Variants in NDUFAF2 observed in about 807,000 individuals in gnomAD.
The protein encoded by NDUFAF2 is NADH dehydrogenase [ubiquinone] 1 alpha subcomplex assembly factor 2.
A neutral mutation model predicts 22.8 loss-of-function variants in NDUFAF2; 13 were observed. The observed-to-expected ratio is 0.57, with a 90% CI of 0.37 to 0.91. The LOEUF (loss-of-function observed/expected upper bound fraction) is 0.91, where lower values mean the gene tolerates loss of function less well. Among genes scored for constraint, NDUFAF2 ranks in the 40% least tolerant of loss-of-function variants. The pLI is 0.01. For synonymous variants in NDUFAF2, 53 were observed against 64.2 expected, an observed-to-expected ratio of 0.83 and a Z score of 0.84; for missense variants, 162 against 195.2, an observed-to-expected ratio of 0.83 and a Z score of 1.01.
chr5:61,096,481 C>T (rs1752642175), intron 2 of NDUFAF2, among the ~76,000 whole-genome samples: 1 of 151,608 alleles, frequency 6.6e-6, no homozygotes, highest in South Asian at 2.1e-4. Context: ...TGCCTGTAGT[C>T]CCAGCTACTC....
intron 3 of NDUFAF2, chr5:61,145,749 C>T (rs574439821): frequency 1.3e-5 from 2 of 152,332 alleles, no homozygotes; most frequent in Admixed American, 1.3e-4. Context: ...ATAACATATA[C>T]ATTTAAGGAA....
intron 1 of NDUFAF2, among the ~76,000 whole-genome samples, chr5:61,044,674 A>G (rs1751924330): frequency 6.6e-6 from 1 of 151,984 alleles, no homozygotes; most frequent in Admixed American, 6.6e-5. Context: ...TTTCTGTTTC[A>G]TTGCTCTTTG....
intron 1 of NDUFAF2, among the ~76,000 whole-genome samples, chr5:60,974,127 T>A (rs1033569525): frequency 3.5e-4 from 53 of 152,290 alleles, no homozygotes; most frequent in African/African-American, 1.2e-3. Context: ...AGACCCACTC[T>A]CAGTCCAGGT....
chr5:60,945,350 A>G lies in NDUFAF2; in HGVS notation c.95A>G (p.Tyr32Cys), dbSNP rs755836979. The change falls in exon 1 of 4, where the codon TAC (tyrosine) becomes TGC (cysteine). Residue 32 changes from tyrosine to cysteine, a missense_variant. Physicochemically the swap from Tyr to Cys is radical, Grantham distance 194. Transcript: ENST00000296597. Reference sequence around the variant, plus strand: ...GGCACGGACCAATTCGGGAACAAATACTACTACATCCCGCAGTACAAGAAC... The same window carrying G: ...GGCACGGACCAATTCGGGAACAAATGCTACTACATCCCGCAGTACAAGAAC... ...HVGTDQFGNKYYYIPQYKNWR... is the reference protein window; with the variant it reads ...HVGTDQFGNKCYYIPQYKNWR... The G allele has an allele frequency of 2.5e-6, 4 of 1,614,038 alleles. No individual in the cohort carries two copies. Among genetic ancestry groups the G allele is most frequent in the African/African-American group, 1.3e-5 (1 of 74,930 alleles).
chr5:61,085,742 A>T (rs1481775212), intron 2 of NDUFAF2, among the ~76,000 whole-genome samples: 1 of 152,218 alleles, frequency 6.6e-6, no homozygotes. Flanking sequence ...TTTAAATTAT[A>T]TTACTTCAAA....
At chr5:60,945,583 G>T (rs1750428918) in intron 1 of NDUFAF2, among the ~76,000 whole-genome samples, 1 of 152,230 alleles carries the variant, frequency 6.6e-6, no homozygotes, top group African/African-American at 2.4e-5. Context: ...TGGGCGCCTT[G>T]GCCCGGCCTC....
At chr5:61,075,683 C>T (rs935781158) in intron 2 of NDUFAF2, among the ~76,000 whole-genome samples, 7 of 151,906 alleles carry the variant, frequency 4.6e-5, no homozygotes, top group African/African-American at 1.2e-4. Context: ...CATAACTCTC[C>T]CATGGGACAT....
intron 1 of NDUFAF2, among the ~76,000 whole-genome samples, chr5:61,001,639 A>C (rs1381928789): frequency 6.6e-6 from 1 of 152,132 alleles, no homozygotes; most frequent in Non-Finnish European, 1.5e-5. Context: ...AAATCTTATT[A>C]CCTTGTGATG....
chr5:60,964,354 T>C (rs941107062), intron 1 of NDUFAF2, among the ~76,000 whole-genome samples: 2 of 152,160 alleles, frequency 1.3e-5, no homozygotes, highest in Non-Finnish European at 2.9e-5. Flanking sequence ...TATTGTGGAA[T>C]GGCTAACTCA....
chr5:60,973,492 G>C (rs1341013140), intron 1 of NDUFAF2, among the ~76,000 whole-genome samples: 2 of 152,092 alleles, frequency 1.3e-5, no homozygotes, highest in African/African-American at 4.8e-5. Flanking sequence ...AAGATTCAAG[G>C]CTACAAACAT....
chr5:61,140,024 A>C (rs532945323), intron 3 of NDUFAF2, among the ~76,000 whole-genome samples: 1 of 152,346 alleles, frequency 6.6e-6, no homozygotes, highest in Non-Finnish European at 1.5e-5. Context: ...GAATGTTAGC[A>C]CATCCTCATT....
intron 2 of NDUFAF2, among the ~76,000 whole-genome samples, chr5:61,082,144 A>G (rs1196208658): frequency 6.6e-6 from 1 of 152,230 alleles, no homozygotes. Context: ...AAAAATGTGC[A>G]TGAGTGTAAG....
At chr5:61,057,595 T>C (rs1752115323) in intron 1 of NDUFAF2, among the ~76,000 whole-genome samples, 1 of 152,124 alleles carries the variant, frequency 6.6e-6, no homozygotes, top group South Asian at 2.1e-4. Context: ...TAACTACATG[T>C]AAGGGGAGGG....
At chr5:61,057,613 G>A (rs983262087) in intron 1 of NDUFAF2, among the ~76,000 whole-genome samples, 2 of 152,086 alleles carry the variant, frequency 1.3e-5, no homozygotes, top group Non-Finnish European at 2.9e-5. Context: ...GGGGAGAAAA[G>A]GTGGGTGGTA....
At position 60,981,179 on chromosome 5, in the gene NDUFAF2, A is replaced by G. The variant is rs1016406320; in HGVS notation, c.127+35797A>G. On this transcript the variant is annotated intron_variant, in intron 1 of 3. Transcript: ENST00000296597. The stretch of plus-strand genomic sequence containing the variant: ...AGGTCAAGGATAAAGAAAGGATCCT[A>G]AAAGCAGCAAGAGAAAAGAAACAAA... Among the ~76,000 whole-genome samples, 9 of 152,226 alleles carry G rather than the reference A, an allele frequency of 5.9e-5. 1 individual carries two copies. The highest frequency in any genetic ancestry group is 2.6e-4 in the Admixed American group (4 of 15,286).
Position 61,152,874 on chromosome 5 carries a change from C to T in NDUFAF2, c.429C>T (p.Pro143=). Residue 143 remains proline (P), a synonymous_variant, in exon 4 of 4, where the codon CCC becomes CCT. Coordinates refer to ENST00000296597, the MANE Select transcript of NDUFAF2 (RefSeq NM_174889.5). ...ASAPYFGKEE[P]SVAPSSTGKT... is the part of the protein sequence containing the mutation. ...CTCCATACTTTGGAAAGGAAGAACC[C>T]TCAGTGGCTCCCAGCAGCACTGGTA... 2 of 1,611,322 alleles carry T rather than the reference C, an allele frequency of 1.2e-6. No homozygotes were observed. The highest frequency in any genetic ancestry group is 1.1e-5 in the South Asian group (1 of 90,636).
chr5:61,081,212 A>C (rs978853586), intron 2 of NDUFAF2, among the ~76,000 whole-genome samples: 58 of 152,098 alleles, frequency 3.8e-4, no homozygotes, highest in Admixed American at 1.8e-3. Flanking sequence ...GATTGTCTTG[A>C]TTACTGAGGC....
intron 1 of NDUFAF2, among the ~76,000 whole-genome samples, chr5:60,952,184 G>T (rs1014499196): frequency 6.6e-6 from 1 of 151,708 alleles, no homozygotes; most frequent in African/African-American, 2.4e-5. Context: ...ATTTTTCTCT[G>T]TAAGTTTTTT....
In NDUFAF2 at chr5:61,152,988, G is replaced by A. The variant is rs746745498; in HGVS notation, c.*33G>A. The A allele has an allele frequency of 6.2e-7, 1 of 1,609,430 alleles. No individual in the cohort carries two copies. Among genetic ancestry groups the A allele is most frequent in the Non-Finnish European group, 8.5e-7 (1 of 1,176,684 alleles). ...ATGGTCAAATCTTTTCATGTATATG[G>A]ATGTGACTATTTTAACAAATAAAAG... On this transcript the variant is annotated 3_prime_UTR_variant, in exon 4 of 4. Coordinates refer to ENST00000296597, the MANE Select transcript of NDUFAF2 (RefSeq NM_174889.5).
Sources: allele counts gnomAD v4.1 joint callset (sites outside exome capture counted in the v4.1 genomes callset), GRCh38; gene constraint gnomAD v4.1.1; transcripts MANE v1.5; gene names NCBI Gene and HGNC (gene_info 2026-07-23, HGNC 2026-07-21).